LYRM4: variants seen among roughly 807,000 people sequenced by gnomAD.
LYRM4 encodes the protein LYR motif containing 4.
LYRM4 carries 9 observed loss-of-function variants against 11.7 expected under a neutral mutation model. The observed-to-expected ratio is 0.77, with a 90% CI of 0.46 to 1.34. The LOEUF is 1.34. Among genes scored for constraint, LYRM4 ranks in the 40% most tolerant of loss-of-function variants. LYRM4 has a pLI of 0.00. For missense variants in LYRM4, 133 were observed against 112.5 expected, an observed-to-expected ratio of 1.18 and a Z score of -0.82; for synonymous variants, 42 against 40.4, an observed-to-expected ratio of 1.04 and a Z score of -0.15.
chr6:5,159,895 C>T (rs1467724837), intron 2 of LYRM4, among the ~76,000 whole-genome samples: 3 of 152,232 alleles, frequency 2.0e-5, no homozygotes, highest in Non-Finnish European at 1.5e-5. Flanking sequence ...CTCACATCCT[C>T]ATCTTCCCTT....
chr6:5,084,669 C>T, the LYRM4 span: 16,349 of 152,302 alleles, frequency 0.11, 1,317 homozygotes, highest in African/African-American at 0.23. Flanking sequence ...CAGCCCACCC[C>T]GCGCCGCCAC....
intron 2 of LYRM4, among the ~76,000 whole-genome samples, chr6:5,191,468 T>C (rs958134980): frequency 2.0e-5 from 3 of 152,224 alleles, no homozygotes; most frequent in African/African-American, 7.2e-5. Context: ...TGAAAATGTG[T>C]TGTGAGAGAG....
intron 2 of LYRM4, 106 bp from the exon 3 acceptor site, chr6:5,109,597 C>T: frequency 1.7e-6 from 2 of 1,168,874 alleles, no homozygotes; most frequent in Non-Finnish European, 2.5e-6. Flanking sequence ...TCGGCCATCC[C>T]AGGGCTGCTC....
chr6:5,257,352 T>G (rs146075450), intron 1 of LYRM4, among the ~76,000 whole-genome samples: 7 of 152,262 alleles, frequency 4.6e-5, no homozygotes, highest in African/African-American at 1.7e-4. Context: ...CATCACCCCT[T>G]GGGAGGCCTT....
chr6:5,253,708 A>AAT (rs1351979921), intron 1 of LYRM4, among the ~76,000 whole-genome samples: 1 of 152,110 alleles, frequency 6.6e-6, no homozygotes, highest in Admixed American at 6.5e-5. Context: ...GCAATCATGG[A>AAT]AACTGATCCT....
At chr6:5,081,617 G>C in the LYRM4 span, among the ~76,000 whole-genome samples, 1 of 152,216 alleles carries the variant, frequency 6.6e-6, no homozygotes, top group Non-Finnish European at 1.5e-5. Flanking sequence ...ACCTCCTGTA[G>C]TATAATAAAA....
intron 2 of LYRM4, among the ~76,000 whole-genome samples, chr6:5,113,637 A>T (rs1476490456): frequency 6.6e-6 from 1 of 152,112 alleles, no homozygotes; most frequent in Non-Finnish European, 1.5e-5. Context: ...AGACACAAAG[A>T]CATGAACCCC....
the LYRM4 span, chr6:5,032,284 A>C: frequency 6.6e-6 from 1 of 152,210 alleles, no homozygotes; most frequent in Admixed American, 6.5e-5. Flanking sequence ...GCAAGTTCCA[A>C]ATATTCCTAT....
At chr6:5,048,734 T>C in the LYRM4 span, among the ~76,000 whole-genome samples, 1 of 152,192 alleles carries the variant, frequency 6.6e-6, no homozygotes, top group African/African-American at 2.4e-5. Context: ...CAATGATTCA[T>C]GGAGGCATAT....
the LYRM4 span, among the ~76,000 whole-genome samples, chr6:5,060,684 C>T: frequency 6.6e-6 from 1 of 152,158 alleles, no homozygotes; most frequent in East Asian, 1.9e-4. Flanking sequence ...TGCGCCATCA[C>T]ACCTGGGTAA....
downstream of LYRM4, chr6:5,108,239 G>C (rs1762725256): frequency 6.4e-6 from 1 of 155,210 alleles, no homozygotes; most frequent in Non-Finnish European, 1.4e-5. Flanking sequence ...TCCAGGACCG[G>C]TGCTATTTAT....
intron 2 of LYRM4, among the ~76,000 whole-genome samples, chr6:5,138,287 C>A (rs1393687659): frequency 1.3e-5 from 2 of 151,790 alleles, no homozygotes; most frequent in Non-Finnish European, 2.9e-5. Flanking sequence ...AGTTTGAGAC[C>A]AGCCTGGGCA....
intron 1 of LYRM4, among the ~76,000 whole-genome samples, chr6:5,253,814 G>A (rs1374652527): frequency 1.5e-5 from 2 of 136,860 alleles, no homozygotes; most frequent in African/African-American, 2.9e-5. Context: ...ACCTCAATAA[G>A]TGGGTGCCTC....
At chr6:5,172,882 C>A (rs1429572727) in intron 2 of LYRM4, among the ~76,000 whole-genome samples, 1 of 152,130 alleles carries the variant, frequency 6.6e-6, no homozygotes, top group African/African-American at 2.4e-5. Flanking sequence ...GGGCTAGCAG[C>A]CAGTTACATT....
intron 1 of LYRM4, among the ~76,000 whole-genome samples, chr6:5,222,764 G>GAA (rs56295961): frequency 0.012 from 1,667 of 139,886 alleles, 33 homozygotes; most frequent in East Asian, 0.055. Flanking sequence ...AGCAAAACAA[G>GAA]AAAAAAAAAA....
chr6:5,121,468 G>T (rs140875568), intron 2 of LYRM4, among the ~76,000 whole-genome samples: 32 of 152,302 alleles, frequency 2.1e-4, no homozygotes, highest in South Asian at 1.9e-3. Flanking sequence ...AAGGCCACAT[G>T]GGAAGAGTGG....
intron 2 of LYRM4, among the ~76,000 whole-genome samples, chr6:5,135,778 T>G (rs1165038890): frequency 6.6e-6 from 1 of 152,172 alleles, no homozygotes; most frequent in East Asian, 1.9e-4. Flanking sequence ...CATTTATCAT[T>G]TTATTCATTT....
the LYRM4 span, chr6:5,088,058 T>G: frequency 1.8e-4 from 27 of 152,296 alleles, 1 homozygote; most frequent in East Asian, 4.8e-3. Context: ...GCCTGTGACC[T>G]AAGAATAGTT....
intron 2 of LYRM4, among the ~76,000 whole-genome samples, chr6:5,196,436 G>A (rs1177586581): frequency 2.0e-5 from 3 of 152,162 alleles, no homozygotes; most frequent in African/African-American, 7.2e-5. Flanking sequence ...GACTCAGACG[G>A]CCCTGAGTTG....
Sources: allele counts gnomAD v4.1 joint callset (sites outside exome capture counted in the v4.1 genomes callset), GRCh38; gene constraint gnomAD v4.1.1; transcripts MANE v1.5; gene names NCBI Gene and HGNC (gene_info 2026-07-23, HGNC 2026-07-21).